The following CD274 variants were observed in gnomAD, a reference collection of about 807,000 sequenced individuals.
The protein encoded by CD274 is programmed cell death 1 ligand 1.
In CD274, 8 loss-of-function variants were observed where a neutral mutation model predicts 30.1. The ratio of observed to expected loss-of-function variants is 0.27; its 90% CI spans 0.16 to 0.48. The LOEUF is 0.48. Among genes scored for constraint, CD274 ranks in the 20% least tolerant of loss-of-function variants. The pLI is 0.99. For missense variants in CD274, 353 were observed against 346.6 expected (o/e 1.02, Z -0.15); for synonymous variants, 152 against 124.6 (o/e 1.22, Z -1.46).
intron 1 of CD274, among the ~76,000 whole-genome samples, chr9:5,452,432 A>G (rs1339383568): frequency 1.3e-5 from 2 of 152,174 alleles, no homozygotes; most frequent in African/African-American, 4.8e-5. Context: ...CCACTTCCCC[A>G]ACCTGAATGA....
chr9:5,466,685 A>G, intron 5 of CD274, 85 bp from the exon 6 acceptor site: 3 of 995,834 alleles, frequency 3.0e-6, no homozygotes, highest in South Asian at 1.5e-5. Flanking sequence ...CAAATGTTTC[A>G]CAGAACTTGA....
Position 5,456,106 on chromosome 9 carries a change from C to A in CD274, c.-8C>A, listed in dbSNP as rs1175379517. 8 of 1,595,512 alleles carry A rather than the reference C, an allele frequency of 5.0e-6. No individual in the cohort carries two copies. Among genetic ancestry groups the A allele is most frequent in the South Asian group, 3.3e-5 (3 of 90,514 alleles). ...TCGTGTTTTCCATAATTAGGGCATTCCAGAAAGATGAGGATATTTGCTGTC... is the reference window on the plus strand; with the variant it reads ...TCGTGTTTTCCATAATTAGGGCATTACAGAAAGATGAGGATATTTGCTGTC... On this transcript the variant is annotated 5_prime_UTR_variant, in exon 2 of 7. Transcript: ENST00000381577.
intron 3 of CD274, among the ~76,000 whole-genome samples, chr9:5,460,102 G>C (rs1004793978): frequency 6.6e-6 from 1 of 151,902 alleles, no homozygotes; most frequent in Non-Finnish European, 1.5e-5. Context: ...GCAGAGTGGT[G>C]GTACGAAAAG....
chr9:5,455,031 T>C (rs535629837), intron 1 of CD274, among the ~76,000 whole-genome samples: 10 of 152,286 alleles, frequency 6.6e-5, no homozygotes, highest in African/African-American at 2.4e-4. Context: ...GCTATTTATA[T>C]ATTAGGAACA....
rs1029231124 is a variant in CD274 at position 5,468,942 on chromosome 9, C to A, written c.*1080C>A. ...CTACAGATGTGAGCAAGACAAAGTA[C>A]CTGTCCTCAAGGAGCTCATAGTATA... On this transcript the variant is annotated 3_prime_UTR_variant, in exon 7 of 7. Transcript: ENST00000381577. 3 of 232,984 alleles carry A rather than the reference C, an allele frequency of 1.3e-5. No individual in the cohort carries two copies. Among genetic ancestry groups the A allele is most frequent in the Admixed American group, 1.1e-4 (2 of 17,770 alleles). The allele number at this position is 232,984 out of a possible 1,614,324, so 14.4% of individuals were successfully genotyped here. A position where few individuals can be genotyped will look rare whatever the true frequency, so the allele number is the denominator to read the frequency against.
intron 3 of CD274, among the ~76,000 whole-genome samples, chr9:5,459,688 T>A (rs1013623474): frequency 1.3e-5 from 2 of 152,224 alleles, no homozygotes; most frequent in Non-Finnish European, 2.9e-5. Flanking sequence ...TGAGTTTAAA[T>A]GCCAGACTCT....
At chr9:5,460,428 C>T (rs1479888998) in intron 3 of CD274, among the ~76,000 whole-genome samples, 1 of 152,136 alleles carries the variant, frequency 6.6e-6, no homozygotes, top group Non-Finnish European at 1.5e-5. Context: ...GGGGTAAGTG[C>T]TTCATCATGT....
At chr9:5,457,010 G>A (rs567337193) in intron 2 of CD274, 69 bp from the exon 3 acceptor site, 21 of 1,051,168 alleles carry the variant, frequency 2.0e-5, no homozygotes, top group South Asian at 8.8e-5. Flanking sequence ...ATTTATAAAC[G>A]CTGTGCCAAT....
At chr9:5,454,111 C>A (rs1249492416) in intron 1 of CD274, among the ~76,000 whole-genome samples, 6 of 152,116 alleles carry the variant, frequency 3.9e-5, no homozygotes, top group Non-Finnish European at 5.9e-5. Flanking sequence ...TTTTGGGGTT[C>A]TTTCCATTAT....
chr9:5,451,230 CT>C, intron 1 of CD274, among the ~76,000 whole-genome samples: 1 of 152,062 alleles, frequency 6.6e-6, no homozygotes, highest in Non-Finnish European at 1.5e-5. Context: ...TGTTCTACCT[CT>C]TTTTTTAATA....
chr9:5,451,573 T>C (rs1240563240), intron 1 of CD274, among the ~76,000 whole-genome samples: 1 of 152,212 alleles, frequency 6.6e-6, no homozygotes, highest in African/African-American at 2.4e-5. Flanking sequence ...TCAACAGTAT[T>C]TAAGGAGAAC....
rs148763762 is a variant in CD274, at chr9:5,469,886, G to T, written c.*2024G>T. The stretch of plus-strand genomic sequence containing the variant: ...CTGGAACTTTTGTTTTCTGCTTTCT[G>T]TCAAGTATAAACTTCACTTTGATGC... On this transcript the variant is annotated 3_prime_UTR_variant, in exon 7 of 7. Transcript: ENST00000381577. 1.1e-3 allele frequency: 253 copies of T among 233,086 alleles called. 4 individuals carry two copies. In the East Asian group the frequency reaches 0.014, roughly 13 times the overall value. The allele number at this position is 233,086 out of a possible 1,614,324, so 14.4% of individuals were successfully genotyped here.
chr9:5,459,197 A>G (rs2131216404), intron 3 of CD274, among the ~76,000 whole-genome samples: 1 of 152,306 alleles, frequency 6.6e-6, no homozygotes, highest in East Asian at 1.9e-4. Flanking sequence ...CCTGGAGCAA[A>G]GCAAATGACC....
At chr9:5,451,094 A>G (rs1819194674) in intron 1 of CD274, among the ~76,000 whole-genome samples, 1 of 152,240 alleles carries the variant, frequency 6.6e-6, no homozygotes, top group South Asian at 2.1e-4. Flanking sequence ...AAGGAGTCCT[A>G]AAAGAGGAAT....
At chr9:5,464,466 G>C (rs1170893265) in intron 4 of CD274, among the ~76,000 whole-genome samples, 1 of 152,154 alleles carries the variant, frequency 6.6e-6, no homozygotes, top group African/African-American at 2.4e-5. Context: ...GTCAAAGATG[G>C]ATCATGGGTC....
chr9:5,467,944 G>C lies in CD274; in HGVS notation c.*82G>C, dbSNP rs550004054. 762 of 1,221,480 alleles carry C rather than the reference G, an allele frequency of 6.2e-4. 1 individual carries two copies. Among genetic ancestry groups the C allele is most frequent in the Non-Finnish European group, 3.8e-4 (311 of 822,332 alleles). The allele number at this position is 1,221,480 out of a possible 1,614,324, so 75.7% of individuals were successfully genotyped here. Reference sequence around the variant, plus strand: ...TTCATCGGGGCTGAGCGTGACAAGAGGAAGGAATGGGCCCGTGGGATGCAG... The same window carrying C: ...TTCATCGGGGCTGAGCGTGACAAGACGAAGGAATGGGCCCGTGGGATGCAG... On this transcript the variant is annotated 3_prime_UTR_variant, in exon 7 of 7. Transcript: ENST00000381577.
At chr9:5,463,715 C>G (rs1169719925) in intron 4 of CD274, among the ~76,000 whole-genome samples, 1 of 152,184 alleles carries the variant, frequency 6.6e-6, no homozygotes, top group Non-Finnish European at 1.5e-5. Flanking sequence ...CTGTGTGTCC[C>G]TGGGCAAATT....
Position 5,469,554 on chromosome 9 carries a change from A to G in CD274, c.*1692A>G, listed in dbSNP as rs368481749. The G allele has an allele frequency of 5.7e-4, 133 of 231,662 alleles. No homozygotes were observed. The highest frequency in any genetic ancestry group is 2.2e-3 in the African/African-American group (102 of 45,352). The allele number at this position is 231,662 out of a possible 1,614,324, so 14.4% of individuals were successfully genotyped here. A position where few individuals can be genotyped will look rare whatever the true frequency, so the allele number is the denominator to read the frequency against. On this transcript the variant is annotated 3_prime_UTR_variant, in exon 7 of 7. Transcript: ENST00000381577. ...GCTGTGTACTTTGCTATTTTTATTTATTTTAGTGTTTCTTATATAGCAGAT... is the reference window on the plus strand; with the variant it reads ...GCTGTGTACTTTGCTATTTTTATTTGTTTTAGTGTTTCTTATATAGCAGAT...
intron 3 of CD274, among the ~76,000 whole-genome samples, chr9:5,460,113 A>C (rs1265170598): frequency 6.6e-6 from 1 of 152,190 alleles, no homozygotes; most frequent in Non-Finnish European, 1.5e-5. Flanking sequence ...GTACGAAAAG[A>C]GCACACAAAA....
Sources: gnomAD v4.1 joint callset for allele counts (sites outside exome capture counted in the v4.1 genomes callset) on GRCh38, gnomAD v4.1.1 for gene constraint, MANE v1.5 for transcripts, NCBI Gene and HGNC (gene_info 2026-07-23, HGNC 2026-07-21) for gene names.